Variants in PRKCA observed in about 807,000 individuals in gnomAD.
PRKCA encodes the protein protein kinase C alpha.
In PRKCA, 27 loss-of-function variants were observed where a neutral mutation model predicts 87.0. The observed-to-expected ratio is 0.31, with a 90% CI of 0.23 to 0.43. The LOEUF is 0.43. Ranked by LOEUF, PRKCA falls within the 20% of genes least tolerant of loss-of-function variation. PRKCA has a pLI of 1.00. For synonymous variants in PRKCA, 329 were observed against 311.1 expected (o/e 1.06, Z -0.61); for missense variants, 518 against 852.3 (o/e 0.61, Z 4.88).
chr17:66,781,868 G>GAT (rs1201713784), intron 14 of PRKCA, among the ~76,000 whole-genome samples: 224 of 99,328 alleles, frequency 2.3e-3, no homozygotes, highest in South Asian at 3.2e-3. Flanking sequence ...GAGAGAGAGA[G>GAT]ATATATATAT....
At chr17:66,361,600 T>C (rs1034924473) in intron 2 of PRKCA, among the ~76,000 whole-genome samples, 3 of 152,278 alleles carry the variant, frequency 2.0e-5, no homozygotes, top group African/African-American at 7.2e-5. Context: ...TGTGAGCCAC[T>C]GCGCCAGCCC....
At chr17:66,737,675 G>C (rs1287553594) in intron 10 of PRKCA, among the ~76,000 whole-genome samples, 1 of 152,214 alleles carries the variant, frequency 6.6e-6, no homozygotes, top group Non-Finnish European at 1.5e-5. Flanking sequence ...GCCACTACGT[G>C]TCAGCCTAGC....
intron 8 of PRKCA, among the ~76,000 whole-genome samples, chr17:66,718,778 C>A (rs1342931822): frequency 6.6e-6 from 1 of 152,314 alleles, no homozygotes; most frequent in Admixed American, 6.5e-5. Context: ...AACCATAGCA[C>A]CTTCCAAGAC....
At chr17:66,421,699 ATT>A (rs775159872) in intron 2 of PRKCA, among the ~76,000 whole-genome samples, 77 of 136,346 alleles carry the variant, frequency 5.6e-4, no homozygotes, top group Middle Eastern at 3.9e-3. Flanking sequence ...GGCCTGGCTA[ATT>A]TTTTTTTTTT....
intron 2 of PRKCA, among the ~76,000 whole-genome samples, chr17:66,406,595 T>TTTTTTTTTTTTTTTTTTTTTG (rs1911408982): frequency 7.0e-6 from 1 of 143,672 alleles, no homozygotes; most frequent in African/African-American, 2.5e-5. Flanking sequence ...GTTTTTTTTT[T>TTTTTTTTTTTTTTTTTTTTTG]TTTTTTTTTT....
In PRKCA at chr17:66,302,903, A is replaced by C. The variant is rs1904587640; in HGVS notation, c.52A>C (p.Asn18His). 1 of 1,592,958 alleles carries C rather than the reference A, an allele frequency of 6.3e-7. No individual in the cohort carries two copies. The highest frequency in any genetic ancestry group is 8.6e-7 in the Non-Finnish European group (1 of 1,166,918). ...NDSTASQDVANRFARKGALRQ... is the reference protein window; with the variant it reads ...NDSTASQDVAHRFARKGALRQ... ...CTCCACGGCGTCTCAGGACGTGGCC[A>C]ACCGCTTCGCCCGCAAAGGGGCGCT... Residue 18 changes from asparagine (N) to histidine (H), a missense_variant, in exon 1 of 17, where the codon AAC becomes CAC. Asn to His is a moderately conservative substitution (Grantham distance 68). This residue lies in a region of PRKCA where 33 missense variants were observed against 34.1 expected (regional missense o/e 0.97). Coordinates refer to ENST00000413366, the MANE Select transcript of PRKCA (RefSeq NM_002737.3).
At position 66,810,513 on chromosome 17, in the gene PRKCA, C is replaced by T. The variant is rs995156276; in HGVS notation, c.*6476C>T. The T allele has an allele frequency of 4.6e-5, 7 of 152,092 alleles. No individual in the cohort carries two copies. Among genetic ancestry groups the T allele is most frequent in the African/African-American group, 1.4e-4 (6 of 41,408 alleles). The allele number at this position is 152,092 out of a possible 1,614,324, so 9.4% of individuals were successfully genotyped here. A position where few individuals can be genotyped will look rare whatever the true frequency, so the allele number is the denominator to read the frequency against. ...CCCCAACTTTGTTTGGAGGAAGAGA[C>T]GGAGGTTGAGGTTTTTCCTTCTGTA... On this transcript the variant is annotated 3_prime_UTR_variant, in exon 17 of 17. Transcript: ENST00000413366.
chr17:66,532,415 G>A (rs1967583859), intron 3 of PRKCA, among the ~76,000 whole-genome samples: 1 of 150,704 alleles, frequency 6.6e-6, no homozygotes, highest in East Asian at 2.0e-4. Flanking sequence ...ACCCAGGGTG[G>A]AGTGCAGTGG....
At chr17:66,701,629 C>T (rs1322377770) in intron 8 of PRKCA, among the ~76,000 whole-genome samples, 1 of 151,836 alleles carries the variant, frequency 6.6e-6, no homozygotes, top group Non-Finnish European at 1.5e-5. Flanking sequence ...AAAAAGAAAA[C>T]CCACAGATTT....
intron 2 of PRKCA, among the ~76,000 whole-genome samples, chr17:66,397,275 C>T (rs1196199814): frequency 1.3e-4 from 12 of 93,670 alleles, no homozygotes; most frequent in East Asian, 3.5e-4. Context: ...CCAGTGTAGA[C>T]TTTTTTTTTT....
chr17:66,796,759 A>G (rs1741905672), intron 16 of PRKCA: 1 of 985,340 alleles, frequency 1.0e-6, no homozygotes, highest in Non-Finnish European at 1.2e-6. Flanking sequence ...CTGTGCAACC[A>G]CAAGTCAGAG....
intron 2 of PRKCA, among the ~76,000 whole-genome samples, chr17:66,457,474 A>G (rs952045300): frequency 3.3e-5 from 5 of 152,272 alleles, no homozygotes; most frequent in Admixed American, 3.3e-4. Flanking sequence ...TATAGAACAC[A>G]GCATCTGGCT....
intron 2 of PRKCA, among the ~76,000 whole-genome samples, chr17:66,492,444 C>T (rs1853808389): frequency 6.6e-6 from 1 of 152,174 alleles, no homozygotes; most frequent in Admixed American, 6.5e-5. Flanking sequence ...GCAAACTATT[C>T]TTCCATGGGA....
chr17:66,687,924 A>G (rs1567976549), intron 6 of PRKCA, among the ~76,000 whole-genome samples: 1 of 152,214 alleles, frequency 6.6e-6, no homozygotes, highest in Non-Finnish European at 1.5e-5. Flanking sequence ...TGTCTGTTCT[A>G]GAGGGACCAG....
intron 2 of PRKCA, among the ~76,000 whole-genome samples, chr17:66,312,863 T>G (rs1003272589): frequency 6.6e-6 from 1 of 150,922 alleles, no homozygotes; most frequent in Admixed American, 6.6e-5. Context: ...CTTAGCCTCC[T>G]GAGTAGCCGG....
chr17:66,543,969 T>A (rs1348114854), intron 3 of PRKCA, among the ~76,000 whole-genome samples: 1 of 152,170 alleles, frequency 6.6e-6, no homozygotes, highest in African/African-American at 2.4e-5. Flanking sequence ...CCCAGCACTT[T>A]GGGAGGCCAA....
chr17:66,666,457 T>C lies in PRKCA; in HGVS notation c.530-20654T>C, dbSNP rs571055613. Among the ~76,000 whole-genome samples, 19 of 152,306 alleles carry C rather than the reference T, an allele frequency of 1.2e-4. 1 individual carries two copies. In the South Asian group the frequency reaches 3.7e-3, roughly 30 times the overall value. On this transcript the variant is annotated intron_variant, in intron 5 of 16. Transcript: ENST00000413366. ...CTCGCTGCTCATTTGAACATATTCA[T>C]ACTGGACACAAGCTGGTCCTACAAG...
At chr17:66,314,096 A>G (rs760833289) in intron 2 of PRKCA, among the ~76,000 whole-genome samples, 4 of 152,322 alleles carry the variant, frequency 2.6e-5, no homozygotes, top group Non-Finnish European at 5.9e-5. Context: ...GGGGCGTGTC[A>G]TGGGTTCAGA....
intron 2 of PRKCA, among the ~76,000 whole-genome samples, chr17:66,433,994 G>A (rs1320276586): frequency 1.3e-5 from 2 of 152,122 alleles, no homozygotes; most frequent in African/African-American, 4.8e-5. Flanking sequence ...GGATGGAGCA[G>A]GTAGGGCGCA....
Sources: gnomAD v4.1 joint callset for allele counts (sites outside exome capture counted in the v4.1 genomes callset) on GRCh38, gnomAD v4.1.1 for gene constraint, gnomAD v4.1.1 regional missense constraint, MANE v1.5 for transcripts, NCBI Gene and HGNC (gene_info 2026-07-23, HGNC 2026-07-21) for gene names.